Variants in OPCML observed in about 807,000 individuals in gnomAD.
The protein encoded by OPCML is opioid binding protein/cell adhesion molecule like, also known as opioid-binding protein/cell adhesion molecule.
A neutral mutation model predicts 37.8 loss-of-function variants in OPCML; 13 were observed. The observed-to-expected ratio is 0.34, with a 90% CI of 0.22 to 0.55. The LOEUF (loss-of-function observed/expected upper bound fraction) is 0.55, where lower values mean the gene tolerates loss of function less well. Among genes scored for constraint, OPCML ranks in the 20% least tolerant of loss-of-function variants. The pLI is 0.91. For missense variants in OPCML, 341 were observed against 435.6 expected, an observed-to-expected ratio of 0.78 and a Z score of 1.93; for synonymous variants, 176 against 168.8, an observed-to-expected ratio of 1.04 and a Z score of -0.33.
At position 132,960,358 on chromosome 11, in the gene OPCML, G is replaced by A. The variant is rs73586440; in HGVS notation, c.62-17348C>T. Among the ~76,000 whole-genome samples the A allele has an allele frequency of 3.7e-3, 558 of 152,282 alleles. 5 individuals carry two copies. Among genetic ancestry groups the A allele is most frequent in the African/African-American group, 0.013 (526 of 41,562 alleles). On this transcript the variant is annotated intron_variant, in intron 1 of 7. Coordinates refer to ENST00000524381, the MANE Select transcript of OPCML (RefSeq NM_001012393.5). ...CTGTGCTTAGTACAGAGAGAATCCC[G>A]TTCTGAACAAACTGGGAATCCCACG... is the stretch of plus-strand genomic sequence containing the variant.
chr11:132,999,265 C>T lies in OPCML; in HGVS notation c.62-56255G>A, dbSNP rs530204921. Among the ~76,000 whole-genome samples the T allele has an allele frequency of 3.3e-5, 5 of 152,080 alleles. No individual in the cohort carries two copies. In the South Asian group the frequency reaches 6.2e-4, roughly 19 times the overall value. On this transcript the variant is annotated intron_variant, in intron 1 of 7. Coordinates refer to ENST00000524381, the MANE Select transcript of OPCML (RefSeq NM_001012393.5). The stretch of plus-strand genomic sequence containing the variant: ...TTCAGATCTCACCCTCCCCAGGTGG[C>T]GAGACCCCCTCTCGCCCCAGCCCCC...
At chr11:133,071,675 C>A (rs888109370) in intron 1 of OPCML, among the ~76,000 whole-genome samples, 1 of 152,202 alleles carries the variant, frequency 6.6e-6, no homozygotes, top group African/African-American at 2.4e-5. Flanking sequence ...CAAGTACTTT[C>A]TTGTCTGGCC....
intron 1 of OPCML, among the ~76,000 whole-genome samples, chr11:133,446,563 T>C (rs1488486722): frequency 6.6e-6 from 1 of 152,204 alleles, no homozygotes; most frequent in Non-Finnish European, 1.5e-5. Context: ...TTGCTGGGAC[T>C]ATAGGCGTGC....
intron 2 of OPCML, among the ~76,000 whole-genome samples, chr11:132,857,550 A>G (rs1050646489): frequency 6.6e-6 from 1 of 152,202 alleles, no homozygotes; most frequent in African/African-American, 2.4e-5. Flanking sequence ...TTCTACTACA[A>G]TCTGTGTGAA....
At chr11:133,331,087 G>C (rs1232356229) in intron 1 of OPCML, among the ~76,000 whole-genome samples, 6 of 152,296 alleles carry the variant, frequency 3.9e-5, no homozygotes, top group African/African-American at 1.4e-4. Context: ...AAAACTGGAA[G>C]AGAAAGGGAT....
chr11:132,747,463 A>G (rs1305084848), intron 2 of OPCML, among the ~76,000 whole-genome samples: 2 of 152,182 alleles, frequency 1.3e-5, no homozygotes, highest in Non-Finnish European at 2.9e-5. Flanking sequence ...TCTCAAGATC[A>G]TTGCAGCTTT....
At chr11:132,819,620 C>T (rs1261029511) in intron 2 of OPCML, among the ~76,000 whole-genome samples, 2 of 152,072 alleles carry the variant, frequency 1.3e-5, no homozygotes, top group Non-Finnish European at 2.9e-5. Context: ...AACATGCTGC[C>T]ATTACAAATA....
chr11:133,419,392 G>C (rs1945835511), intron 1 of OPCML: 1 of 965,992 alleles, frequency 1.0e-6, no homozygotes. Flanking sequence ...AGAGCTTATT[G>C]CTAAATTTTC....
intron 1 of OPCML, among the ~76,000 whole-genome samples, chr11:133,135,895 T>C (rs1045369877): frequency 5.3e-5 from 8 of 152,182 alleles, no homozygotes; most frequent in Non-Finnish European, 1.2e-4. Flanking sequence ...AAACAAGAGG[T>C]AAGCAGAATG....
intron 4 of OPCML, among the ~76,000 whole-genome samples, chr11:132,456,301 A>G (rs1204722641): frequency 1.3e-5 from 2 of 152,224 alleles, no homozygotes; most frequent in Non-Finnish European, 2.9e-5. Flanking sequence ...GTCAGAACAA[A>G]AGAAAAGATG....
intron 2 of OPCML, among the ~76,000 whole-genome samples, chr11:132,690,436 A>T (rs1943351968): frequency 6.6e-6 from 1 of 152,224 alleles, no homozygotes; most frequent in Non-Finnish European, 1.5e-5. Flanking sequence ...ACAATGCATT[A>T]TCATCTCCGA....
intron 1 of OPCML, among the ~76,000 whole-genome samples, chr11:133,271,649 G>A (rs1592156147): frequency 6.6e-6 from 1 of 152,288 alleles, no homozygotes; most frequent in East Asian, 1.9e-4. Context: ...AGGAGCTAAA[G>A]CTTAGAAACT....
At chr11:132,718,143 A>AT (rs1257035084) in intron 2 of OPCML, among the ~76,000 whole-genome samples, 1 of 151,912 alleles carries the variant, frequency 6.6e-6, no homozygotes, top group Non-Finnish European at 1.5e-5. Flanking sequence ...CTCCACTCCA[A>AT]TTTGGTTCAC....
chr11:132,883,912 T>C (rs1943313256), intron 2 of OPCML, among the ~76,000 whole-genome samples: 1 of 152,206 alleles, frequency 6.6e-6, no homozygotes, highest in Non-Finnish European at 1.5e-5. Flanking sequence ...CTATTCAATA[T>C]GCCTCACATG....
At chr11:132,690,431 G>T (rs548433975) in intron 2 of OPCML, among the ~76,000 whole-genome samples, 1 of 152,186 alleles carries the variant, frequency 6.6e-6, no homozygotes, top group African/African-American at 2.4e-5. Context: ...AGACCACAAT[G>T]CATTATCATC....
intron 1 of OPCML, among the ~76,000 whole-genome samples, chr11:133,169,250 A>G (rs924234944): frequency 1.3e-5 from 2 of 152,242 alleles, no homozygotes; most frequent in African/African-American, 4.8e-5. Context: ...CTGGAAAGTG[A>G]TAGTGTCTGC....
At chr11:132,666,662 A>G (rs1163789735) in intron 2 of OPCML, among the ~76,000 whole-genome samples, 7 of 152,256 alleles carry the variant, frequency 4.6e-5, no homozygotes, top group Non-Finnish European at 1.0e-4. Context: ...AACTCAGAAG[A>G]AAAACTAGGT....
intron 2 of OPCML, among the ~76,000 whole-genome samples, chr11:132,919,223 G>T (rs941314077): frequency 2.0e-5 from 3 of 152,164 alleles, no homozygotes; most frequent in African/African-American, 7.2e-5. Flanking sequence ...TACTAGGCAG[G>T]CTACCAGGAC....
Position 132,416,900 on chromosome 11 carries a change from A to G in OPCML, c.*3293T>C, listed in dbSNP as rs1465058102. The G allele has an allele frequency of 6.6e-6, 1 of 152,570 alleles. No individual in the cohort carries two copies. Among genetic ancestry groups the G allele is most frequent in the Non-Finnish European group, 1.5e-5 (1 of 68,030 alleles). 9.5% of individuals were successfully genotyped at this position (152,570 alleles called of 1,614,324 possible). On this transcript the variant is annotated 3_prime_UTR_variant, in exon 8 of 8. Coordinates refer to ENST00000524381, the MANE Select transcript of OPCML (RefSeq NM_001012393.5). ...GCACTTGACATTAAACTACTGAAAA[A>G]CAAGCTTGGCTGCAGCCTTAACACG...
Sources: gnomAD v4.1 joint callset for allele counts (sites outside exome capture counted in the v4.1 genomes callset) on GRCh38, gnomAD v4.1.1 for gene constraint, MANE v1.5 for transcripts, NCBI Gene and HGNC (gene_info 2026-07-23, HGNC 2026-07-21) for gene names.